The following ADGRF3 variants were observed in gnomAD, a reference collection of about 807,000 sequenced individuals.
ADGRF3 encodes G protein-coupled receptor 113.
ADGRF3 carries 85 observed loss-of-function variants against 93.2 expected under a neutral mutation model. The ratio of observed to expected loss-of-function variants is 0.91; its 90% CI spans 0.77 to 1.09. The LOEUF is 1.09. Among genes scored for constraint, ADGRF3 ranks in the 50% least tolerant of loss-of-function variants. ADGRF3 has a pLI of 0.00. For missense variants in ADGRF3, 1,125 were observed against 1,246.2 expected, an observed-to-expected ratio of 0.90 and a Z score of 1.46; for synonymous variants, 534 against 532.5, an observed-to-expected ratio of 1.00 and a Z score of -0.04.
chr2:26,329,486 C>T (rs1446389754), intron 1 of ADGRF3, among the ~76,000 whole-genome samples: 2 of 152,208 alleles, frequency 1.3e-5, no homozygotes, highest in Non-Finnish European at 2.9e-5. Flanking sequence ...GGATTGATGA[C>T]AGGCTCCAGA....
At chr2:26,336,862 AGAG>A (rs938434557) in intron 1 of ADGRF3, among the ~76,000 whole-genome samples, 3 of 152,130 alleles carry the variant, frequency 2.0e-5, no homozygotes, top group African/African-American at 4.8e-5. Context: ...TCAGCATCAA[AGAG>A]GAGGAACCTG....
At chr2:26,324,135 C>T (rs919379491) in intron 1 of ADGRF3, among the ~76,000 whole-genome samples, 3 of 152,150 alleles carry the variant, frequency 2.0e-5, no homozygotes, top group African/African-American at 7.2e-5. Flanking sequence ...CTTGTAATCC[C>T]AGCTACATGG....
chr2:26,344,333 G>A (rs183525036), intron 1 of ADGRF3, among the ~76,000 whole-genome samples: 5 of 152,166 alleles, frequency 3.3e-5, no homozygotes, highest in Admixed American at 6.5e-5. Flanking sequence ...TAGTTGAGAC[G>A]AGGTTTCACC....
intron 6 of ADGRF3, 23 bp downstream of exon 6, chr2:26,314,391 T>TG (rs1196286473): frequency 6.3e-7 from 1 of 1,599,724 alleles, no homozygotes. Flanking sequence ...CTCTGACCCC[T>TG]GACTGCTGGC....
At position 26,311,280 on chromosome 2, in the gene ADGRF3, C is replaced by T. The variant is rs757177951; in HGVS notation, c.2244G>A (p.Val748=). 6.3e-5 allele frequency: 102 copies of T among 1,613,624 alleles called. No homozygotes were observed. In the Middle Eastern group the frequency reaches 8.2e-4, roughly 13 times the overall value. Residue 748 remains valine, a synonymous_variant, in exon 10 of 14, where the codon GTG becomes GTA. Transcript: ENST00000651242. ...YFRHAALLNM[V]FCLLAADTCF... is the part of the protein sequence containing the mutation. ...AAGTGTCTGCGGCCAGCAAGCAGAA[C>T]ACCATGTTGAGCAGGGCGGCGTGGC...
rs777468270 is a variant in ADGRF3 at position 26,310,121 on chromosome 2, A to T, written c.2875-16T>A. 4 of 1,614,020 alleles carry T rather than the reference A, an allele frequency of 2.5e-6. No homozygotes were observed. The highest frequency in any genetic ancestry group is 1.1e-5 in the South Asian group (1 of 91,088). On this transcript the variant is annotated splice_polypyrimidine_tract_variant and intron_variant, in intron 11 of 13. Transcript: ENST00000651242. ...CTTCTTGTATCTGCGGGAGAGGTAA[A>T]TGCTCTGCTTATGCCAGCCACGGCC... is the stretch of plus-strand genomic sequence containing the variant.
At position 26,311,145 on chromosome 2, in the gene ADGRF3, C is replaced by A; in HGVS notation, c.2379G>T (p.Ala793=). 2 of 1,594,544 alleles carry A rather than the reference C, an allele frequency of 1.3e-6. No homozygotes were observed. The highest frequency in any genetic ancestry group is 2.3e-5 in the East Asian group (1 of 43,806). The part of the protein sequence containing the change: ...LYLATFFWML[A]QALVLAHQLL... Reference sequence around the variant, plus strand: ...GCTGGTGGGCCAACACCAGGGCCTGCGCCAGCATCCAGAAAAAGGTGGCCA... The same window carrying A: ...GCTGGTGGGCCAACACCAGGGCCTGAGCCAGCATCCAGAAAAAGGTGGCCA... Residue 793 remains alanine, a synonymous_variant, in exon 10 of 14, where the codon GCG becomes GCT. Coordinates refer to ENST00000651242, the MANE Select transcript of ADGRF3 (RefSeq NM_001321971.2).
intron 1 of ADGRF3, among the ~76,000 whole-genome samples, chr2:26,329,557 C>T (rs959129029): frequency 2.0e-5 from 3 of 152,354 alleles, no homozygotes; most frequent in Non-Finnish European, 4.4e-5. Flanking sequence ...TGCAGATCTG[C>T]TGACATCTTG....
rs1250636909 is a variant in ADGRF3, at chr2:26,346,340, C to G, written c.-106G>C. ...CTCCCTGCTCCCGGCCTCGCCCAGG[C>G]GGCTGAGGGGCCCGCGCGGCGCGGT... On this transcript the variant is annotated 5_prime_UTR_variant, in exon 1 of 14. Coordinates refer to ENST00000651242, the MANE Select transcript of ADGRF3 (RefSeq NM_001321971.2). The G allele has an allele frequency of 2.5e-6, 4 of 1,569,890 alleles. No individual in the cohort carries two copies. The highest frequency in any genetic ancestry group is 3.6e-5 in the Admixed American group (2 of 56,302).
At position 26,314,627 on chromosome 2, in the gene ADGRF3, C is replaced by T. The variant is rs1558385216; in HGVS notation, c.719-4G>A. The T allele has an allele frequency of 1.9e-6, 3 of 1,613,050 alleles. No homozygotes were observed. The highest frequency in any genetic ancestry group is 1.7e-5 in the Admixed American group (1 of 59,972). On this transcript the variant is annotated splice_polypyrimidine_tract_variant and splice_region_variant and intron_variant, in intron 5 of 13. Coordinates refer to ENST00000651242, the MANE Select transcript of ADGRF3 (RefSeq NM_001321971.2). ...TCGAAGCAGCTCATGTACTCACCTG[C>T]AGAAACGTGTGTGCGGCGCTATGTG...
In ADGRF3 at chr2:26,309,585, G is replaced by GA. The variant is rs1434053605; in HGVS notation, c.2938-5_2938-4insT. The GA allele has an allele frequency of 6.2e-7, 1 of 1,611,796 alleles. No individual in the cohort carries two copies. The highest frequency in any genetic ancestry group is 8.5e-7 in the Non-Finnish European group (1 of 1,179,280). On this transcript the variant is annotated splice_region_variant and splice_polypyrimidine_tract_variant and intron_variant, in intron 12 of 13. Coordinates refer to ENST00000651242, the MANE Select transcript of ADGRF3 (RefSeq NM_001321971.2). Reference sequence around the variant, plus strand: ...AGATGCAGCCTTCATTTGTGGCCTAGGAAGGGGTGGGAAGGCCCAATTGCA... The same window carrying GA: ...AGATGCAGCCTTCATTTGTGGCCTAGAGAAGGGGTGGGAAGGCCCAATTGCA...
At chr2:26,321,906 G>A (rs1675168721) in intron 1 of ADGRF3, among the ~76,000 whole-genome samples, 1 of 151,126 alleles carries the variant, frequency 6.6e-6, no homozygotes, top group South Asian at 2.1e-4. Flanking sequence ...CAGGGAGGTG[G>A]AGGTTGCAGT....
intron 1 of ADGRF3, chr2:26,345,915 A>G: frequency 1.8e-6 from 1 of 556,792 alleles, no homozygotes; most frequent in Non-Finnish European, 3.1e-6. Context: ...AAATGAAGCG[A>G]CGAAGAGAGC....
At chr2:26,342,559 A>G (rs1387221629) in intron 1 of ADGRF3, among the ~76,000 whole-genome samples, 1 of 152,232 alleles carries the variant, frequency 6.6e-6, no homozygotes, top group Non-Finnish European at 1.5e-5. Context: ...TTATATTATA[A>G]AAATAAAAAT....
chr2:26,336,476 A>G (rs2147920562), intron 1 of ADGRF3, among the ~76,000 whole-genome samples: 1 of 152,124 alleles, frequency 6.6e-6, no homozygotes, highest in Non-Finnish European at 1.5e-5. Flanking sequence ...CTGTAATCCA[A>G]GCACTTTGGG....
In ADGRF3 at chr2:26,313,818, G is replaced by A. The variant is rs574178385; in HGVS notation, c.1014C>T (p.Asp338=). Residue 338 remains aspartate (D), a synonymous_variant, in exon 7 of 14, where the codon GAC becomes GAT. Transcript: ENST00000651242. ...GTGGAGCCAGGCCCAGGCTCTGCAG[G>A]TCACAAGCGTACGTGGTGTCAGCCA... ...CPMADTTYAC[D]LQSLGLAPLR... The A allele has an allele frequency of 6.2e-7, 1 of 1,614,026 alleles. No individual in the cohort carries two copies. Among genetic ancestry groups the A allele is most frequent in the South Asian group, 1.1e-5 (1 of 91,088 alleles).
At chr2:26,309,277 C>T in intron 13 of ADGRF3, 170 bp from the exon 14 acceptor site, 1 of 1,559,034 alleles carries the variant, frequency 6.4e-7, no homozygotes, top group Non-Finnish European at 8.7e-7. Flanking sequence ...AAGTCAAGGA[C>T]TGGTGGTGGT....
intron 3 of ADGRF3, among the ~76,000 whole-genome samples, chr2:26,316,657 T>A (rs1002376117): frequency 6.6e-6 from 1 of 151,744 alleles, no homozygotes; most frequent in African/African-American, 2.4e-5. Context: ...AGGGAACAGG[T>A]GAAGGTGGAG....
intron 5 of ADGRF3, 22 bp from the exon 6 acceptor site, chr2:26,314,645 G>T (rs376241725): frequency 1.2e-4 from 197 of 1,590,188 alleles, no homozygotes; most frequent in Middle Eastern, 5.0e-4. Context: ...TGTGTGCGGC[G>T]CTATGTGGCT....
Sources: gnomAD v4.1 joint callset for allele counts (sites outside exome capture counted in the v4.1 genomes callset) on GRCh38, gnomAD v4.1.1 for gene constraint, MANE v1.5 for transcripts, NCBI Gene and HGNC (gene_info 2026-07-23, HGNC 2026-07-21) for gene names.